The following CDYL variants were observed in gnomAD, a reference collection of about 807,000 sequenced individuals.
CDYL encodes the protein chromodomain Y like.
In CDYL, 8 loss-of-function variants were observed where a neutral mutation model predicts 47.3. The ratio of observed to expected loss-of-function variants is 0.17; its 90% CI spans 0.10 to 0.31. The LOEUF (loss-of-function observed/expected upper bound fraction) is 0.31, where lower values mean the gene tolerates loss of function less well. Among genes scored for constraint, CDYL ranks in the 10% least tolerant of loss-of-function variants. The pLI is 1.00. For missense variants in CDYL, 471 were observed against 701.4 expected (o/e 0.67, Z 3.71); for synonymous variants, 266 against 265.0 (o/e 1.00, Z -0.04).
intron 2 of CDYL, among the ~76,000 whole-genome samples, chr6:4,930,636 C>A (rs984740831): frequency 6.6e-6 from 1 of 152,172 alleles, no homozygotes; most frequent in South Asian, 2.1e-4. Flanking sequence ...ACGCTGTTCT[C>A]TTTAGGTGGG....
chr6:4,780,651 A>G (rs1758593872), intron 1 of CDYL, among the ~76,000 whole-genome samples: 1 of 152,166 alleles, frequency 6.6e-6, no homozygotes, highest in Non-Finnish European at 1.5e-5. Flanking sequence ...GTAAAATAGG[A>G]GGATGATAAC....
intron 1 of CDYL, among the ~76,000 whole-genome samples, chr6:4,847,486 A>G (rs1184704262): frequency 6.6e-6 from 1 of 152,222 alleles, no homozygotes; most frequent in African/African-American, 2.4e-5. Context: ...TCTAGGTCTC[A>G]GATCATCTGT....
At chr6:4,867,772 GT>G (rs36074293) in intron 1 of CDYL, among the ~76,000 whole-genome samples, 19,430 of 131,970 alleles carry the variant, frequency 0.15, 1,868 homozygotes, top group African/African-American at 0.31. Flanking sequence ...TTGTTGTGGG[GT>G]TTTTTTTTTT....
intron 3 of CDYL, among the ~76,000 whole-genome samples, chr6:4,757,727 A>G (rs1582315686): frequency 6.6e-6 from 1 of 152,316 alleles, no homozygotes; most frequent in East Asian, 1.9e-4. Context: ...CATTGTGTAA[A>G]TTTTATTTGC....
chr6:4,720,188 G>C (rs534737552), intron 2 of CDYL, among the ~76,000 whole-genome samples: 1 of 152,158 alleles, frequency 6.6e-6, no homozygotes, highest in East Asian at 1.9e-4. Context: ...TGTAAACATT[G>C]AGTCAAAACC....
chr6:4,848,366 T>G (rs1313431317), intron 1 of CDYL, among the ~76,000 whole-genome samples: 1 of 152,224 alleles, frequency 6.6e-6, no homozygotes, highest in Non-Finnish European at 1.5e-5. Context: ...TCGTAAAGAC[T>G]TTTAAAAAGT....
At chr6:4,856,724 T>G (rs1462393516) in intron 1 of CDYL, among the ~76,000 whole-genome samples, 2 of 152,154 alleles carry the variant, frequency 1.3e-5, no homozygotes, top group South Asian at 2.1e-4. Flanking sequence ...TGGGGAAGAC[T>G]GAGATGGAGT....
intron 2 of CDYL, among the ~76,000 whole-genome samples, chr6:4,913,956 G>T (rs4960049): frequency 0.84 from 127,464 of 152,264 alleles, 53,551 homozygotes; most frequent in Admixed American, 0.89. Context: ...TTCTCACCTT[G>T]GGAAACATAA....
chr6:4,752,037 T>TG (rs1362756534), intron 3 of CDYL, among the ~76,000 whole-genome samples: 1 of 152,224 alleles, frequency 6.6e-6, no homozygotes, highest in East Asian at 1.9e-4. Context: ...CAACATGTGT[T>TG]GCTGCACATG....
intron 1 of CDYL, among the ~76,000 whole-genome samples, chr6:4,819,164 G>C (rs9504261): frequency 0.12 from 7,201 of 60,318 alleles, 169 homozygotes; most frequent in East Asian, 0.13. Flanking sequence ...CTCTCTCTCT[G>C]TGTGTGTGTG....
At chr6:4,866,804 A>G (rs970468174) in intron 1 of CDYL, among the ~76,000 whole-genome samples, 1 of 152,134 alleles carries the variant, frequency 6.6e-6, no homozygotes, top group Non-Finnish European at 1.5e-5. Flanking sequence ...TTAATAATCT[A>G]TACCCTCTCA....
At chr6:4,852,451 T>TCTTCCTTC (rs529318531) in intron 1 of CDYL, among the ~76,000 whole-genome samples, 1 of 119,956 alleles carries the variant, frequency 8.3e-6, no homozygotes, top group Non-Finnish European at 1.8e-5. Flanking sequence ...TTCCTTCCAA[T>TCTTCCTTC]CTTCCTTCCT....
chr6:4,862,899 C>T (rs1203824740), intron 1 of CDYL, among the ~76,000 whole-genome samples: 1 of 152,138 alleles, frequency 6.6e-6, no homozygotes, highest in East Asian at 1.9e-4. Flanking sequence ...GACACCTGCA[C>T]ATGTATGTTT....
At chr6:4,767,695 C>G (rs1200301236) in intron 3 of CDYL, among the ~76,000 whole-genome samples, 1 of 152,096 alleles carries the variant, frequency 6.6e-6, no homozygotes, top group East Asian at 1.9e-4. Flanking sequence ...AATATCATCC[C>G]TAATGGTAAA....
At chr6:4,835,898 TCTC>T (rs1320078774) in intron 1 of CDYL, among the ~76,000 whole-genome samples, 1 of 152,146 alleles carries the variant, frequency 6.6e-6, no homozygotes, top group African/African-American at 2.4e-5. Context: ...CGGGATATAA[TCTC>T]CTGGTGCGCC....
chr6:4,901,248 G>C (rs1425939921), intron 2 of CDYL, among the ~76,000 whole-genome samples: 1 of 152,114 alleles, frequency 6.6e-6, no homozygotes, highest in Non-Finnish European at 1.5e-5. Context: ...AGGACAAAGG[G>C]GGGGAAATCA....
intron 1 of CDYL, among the ~76,000 whole-genome samples, chr6:4,804,830 G>A (rs1374234110): frequency 6.6e-6 from 1 of 152,196 alleles, no homozygotes. Context: ...ATAACTGGAA[G>A]GCTTTTTTAG....
At chr6:4,750,322 C>A (rs1273406605) in intron 3 of CDYL, among the ~76,000 whole-genome samples, 1 of 152,134 alleles carries the variant, frequency 6.6e-6, no homozygotes, top group Non-Finnish European at 1.5e-5. Context: ...CCTGCCTCAG[C>A]CTCCCATGTA....
intron 2 of CDYL, among the ~76,000 whole-genome samples, chr6:4,905,264 C>A (rs1033408805): frequency 6.6e-6 from 1 of 152,170 alleles, no homozygotes; most frequent in Non-Finnish European, 1.5e-5. Context: ...TAAACCCACT[C>A]AGGAATTCTC....
Sources: allele counts gnomAD v4.1 joint callset (sites outside exome capture counted in the v4.1 genomes callset), GRCh38; gene constraint gnomAD v4.1.1; transcripts MANE v1.5; gene names NCBI Gene and HGNC (gene_info 2026-07-23, HGNC 2026-07-21).